The following DLG3 variants were observed in gnomAD, a reference collection of about 807,000 sequenced individuals.
The protein encoded by DLG3 is disks large homolog 3.
In DLG3, 1 loss-of-function variant was observed where a neutral mutation model predicts 64.1. The ratio of observed to expected loss-of-function variants is 0.02; its 90% CI spans 0.01 to 0.07. The LOEUF is 0.07. Ranked by LOEUF, DLG3 falls within the 10% of genes least tolerant of loss-of-function variation. The pLI, the probability that DLG3 is intolerant of heterozygous loss-of-function variation, is 1.00. For synonymous variants in DLG3, 245 were observed against 259.8 expected (o/e 0.94, Z 0.55); for missense variants, 429 against 669.5 (o/e 0.64, Z 3.96).
intron 1 of DLG3, among the ~76,000 whole-genome samples, chrX:70,446,499 A>G (rs756370388): frequency 1.1e-4 from 12 of 112,136 alleles, no homozygotes; most frequent in Non-Finnish European, 2.1e-4. Context: ...TGGTGCCTGG[A>G]GCCGGCAAGG....
At chrX:70,467,787 C>T (rs188818423) in intron 9 of DLG3, among the ~76,000 whole-genome samples, 51 of 111,972 alleles carry the variant, frequency 4.6e-4, no homozygotes, top group Non-Finnish European at 9.2e-4. Flanking sequence ...TCTTTATTCT[C>T]ATGTTTTTTG....
chrX:70,481,808 T>C (rs907440906), intron 10 of DLG3, among the ~76,000 whole-genome samples: 6 of 112,047 alleles, frequency 5.4e-5, no homozygotes, highest in East Asian at 2.8e-4. Context: ...ATGAATTACC[T>C]GCTTTCTTCT....
chrX:70,480,706 C>G (rs1213927416), intron 10 of DLG3, among the ~76,000 whole-genome samples: 1 of 112,421 alleles, frequency 8.9e-6, no homozygotes, highest in Non-Finnish European at 1.9e-5. Context: ...ATGACTTGGT[C>G]AGGATTGTTC....
At chrX:70,489,448 G>A (rs909013644) in intron 10 of DLG3, among the ~76,000 whole-genome samples, 7 of 110,731 alleles carry the variant, frequency 6.3e-5, no homozygotes, top group East Asian at 2.8e-4. Context: ...GATTACAGGC[G>A]CCCACCACCC....
At chrX:70,479,716 C>T (rs2087119312) in intron 10 of DLG3, among the ~76,000 whole-genome samples, 1 of 110,973 alleles carries the variant, frequency 9.0e-6, no homozygotes, top group Non-Finnish European at 1.9e-5. Context: ...AAAGAACTGA[C>T]AGGTTGCTGC....
At chrX:70,475,338 G>A (rs1169400230) in intron 9 of DLG3, among the ~76,000 whole-genome samples, 3 of 111,898 alleles carry the variant, frequency 2.7e-5, no homozygotes, top group Non-Finnish European at 5.6e-5. Flanking sequence ...TGAAGTCTGT[G>A]TACTGACATG....
intron 4 of DLG3, 85 bp downstream of exon 4, chrX:70,449,944 G>A (rs2086601574): frequency 1.8e-6 from 2 of 1,091,388 alleles, no homozygotes; most frequent in African/African-American, 3.6e-5. Flanking sequence ...GAAGGGAATG[G>A]CCTTACTCCT....
chrX:70,501,613 T>G (rs1384580841), intron 18 of DLG3, among the ~76,000 whole-genome samples: 1 of 111,570 alleles, frequency 9.0e-6, no homozygotes, highest in Admixed American at 9.6e-5. Context: ...CTCACACACC[T>G]TGGGTCTTCA....
rs2086625957 is a variant in DLG3, at chrX:70,452,172, C to G, written c.1145+146C>G. 1.3e-5 allele frequency: 14 copies of G among 1,080,270 alleles called. No homozygotes were observed. The Admixed American group carries it at 3.3e-4, about 25-fold the overall frequency. 89.0% of individuals were successfully genotyped at this position (1,080,270 alleles called of 1,213,427 possible). On this transcript the variant is annotated intron_variant, in intron 7 of 18. Transcript: ENST00000374360. ...ACTCCCGGCTTTGGGGTCCGAGGCC[C>G]TCTCTCAGGCCTTGGGGACCTAGAG... is the stretch of plus-strand genomic sequence containing the variant.
chrX:70,462,049 C>CCG (rs879455570), intron 9 of DLG3, among the ~76,000 whole-genome samples: 1 of 90,779 alleles, frequency 1.1e-5, no homozygotes, highest in Non-Finnish European at 2.2e-5. Flanking sequence ...ATCCCCCCCC[C>CCG]ACCGCCCCCC....
intron 9 of DLG3, among the ~76,000 whole-genome samples, chrX:70,462,229 C>T (rs1187998201): frequency 1.0e-5 from 1 of 97,698 alleles, no homozygotes; most frequent in Non-Finnish European, 2.0e-5. Flanking sequence ...TACTTAATTC[C>T]TTTTTCTTTC....
intron 13 of DLG3, 136 bp from the exon 14 acceptor site, chrX:70,498,384 A>C: frequency 3.5e-6 from 2 of 570,710 alleles, no homozygotes; most frequent in South Asian, 5.1e-5. Flanking sequence ...TCTCACCAGC[A>C]GAAAACAGAA....
chrX:70,450,825 C>T, intron 6 of DLG3, 42 bp downstream of exon 6: 4 of 1,208,001 alleles, frequency 3.3e-6, no homozygotes, highest in Non-Finnish European at 4.5e-6. Context: ...AAAGCTCTGT[C>T]CCCTGGTTTC....
intron 10 of DLG3, among the ~76,000 whole-genome samples, chrX:70,482,642 TG>T (rs1294867875): frequency 1.0e-5 from 1 of 100,297 alleles, no homozygotes; most frequent in African/African-American, 3.8e-5. Context: ...TCATCAGGTT[TG>T]GGAAAATACA....
intron 9 of DLG3, among the ~76,000 whole-genome samples, chrX:70,466,886 T>A (rs1345615074): frequency 9.0e-6 from 1 of 111,630 alleles, no homozygotes; most frequent in African/African-American, 3.3e-5. Flanking sequence ...CCGAGTTTTA[T>A]TCTAGTTATT....
rs764588186 is a variant in DLG3 at position 70,476,589 on chromosome X, A to G, written c.1406-2561A>G. On this transcript the variant is annotated intron_variant, in intron 9 of 18. Transcript: ENST00000374360. Reference sequence around the variant, plus strand: ...GTAAAAAGTTGTTAATCAGCCGCCTATTGTGGGTTGTTAACATCTCAAAAG... The same window carrying G: ...GTAAAAAGTTGTTAATCAGCCGCCTGTTGTGGGTTGTTAACATCTCAAAAG... 4.4e-5 allele frequency among the ~76,000 whole-genome samples: 5 copies of G among 112,422 alleles called. No individual in the cohort carries two copies. In the East Asian group the frequency reaches 1.4e-3, roughly 31 times the overall value.
chrX:70,488,843 A>C (rs1209838188), intron 10 of DLG3, among the ~76,000 whole-genome samples: 1 of 112,505 alleles, frequency 8.9e-6, no homozygotes, highest in Non-Finnish European at 1.9e-5. Flanking sequence ...CAGAATCTCA[A>C]ACCTCAGATA....
At chrX:70,464,866 G>A in intron 9 of DLG3, among the ~76,000 whole-genome samples, 1 of 111,472 alleles carries the variant, frequency 9.0e-6, no homozygotes, top group Non-Finnish European at 1.9e-5. Context: ...TGAGGCAGGA[G>A]AATCTCTTGA....
chrX:70,445,473 C>A lies in DLG3; in HGVS notation c.272C>A (p.Pro91Gln). 1 of 1,202,280 alleles carries A rather than the reference C, an allele frequency of 8.3e-7. No homozygotes were observed. The highest frequency in any genetic ancestry group is 1.8e-5 in the South Asian group (1 of 55,276). Residue 91 changes from proline (P) to glutamine (Q), a missense_variant, in exon 1 of 19, where the codon CCG (proline) becomes CAG (glutamine). By Grantham distance (76) the Pro-to-Gln change is moderately conservative. Around this residue, in one of 9 missense-constraint regions of DLG3, gnomAD observed 123 missense variants for 113.3 expected, o/e 1.09. Transcript: ENST00000374360. ...DVGPVPPKPVPGKSTPKLNGS... is the reference protein window; with the variant it reads ...DVGPVPPKPVQGKSTPKLNGS... Reference sequence around the variant, plus strand: ...GGGCCGGTGCCTCCTAAGCCAGTCCCGGGCAAGAGCACCCCCAAACTCAAC... The same window carrying A: ...GGGCCGGTGCCTCCTAAGCCAGTCCAGGGCAAGAGCACCCCCAAACTCAAC...
Sources: gnomAD v4.1 joint callset for allele counts (sites outside exome capture counted in the v4.1 genomes callset) on GRCh38, gnomAD v4.1.1 for gene constraint, gnomAD v4.1.1 regional missense constraint, MANE v1.5 for transcripts, NCBI Gene and HGNC (gene_info 2026-07-23, HGNC 2026-07-21) for gene names.